Variants in MALRD1 observed in about 807,000 individuals in gnomAD.
MALRD1 encodes the protein MAM and LDL-receptor class A domain-containing protein 1.
MALRD1 carries 247 observed loss-of-function variants against 242.1 expected under a neutral mutation model. The observed-to-expected ratio is 1.02, with a 90% CI of 0.92 to 1.13. The LOEUF is 1.13. MALRD1 is among the 50% of genes most tolerant of loss of function. The pLI is 0.00. For missense variants in MALRD1, 2,989 were observed against 2,533.1 expected (o/e 1.18, Z -3.86); for synonymous variants, 995 against 866.6 (o/e 1.15, Z -2.60).
chr10:19,064,189 T>C (rs935072425), intron 1 of MALRD1, among the ~76,000 whole-genome samples: 1 of 152,142 alleles, frequency 6.6e-6, no homozygotes, highest in African/African-American at 2.4e-5. Context: ...GTTCAAAAAG[T>C]CCAGGAACTT....
chr10:19,545,255 A>G (rs947689667), intron 32 of MALRD1, among the ~76,000 whole-genome samples: 1 of 152,142 alleles, frequency 6.6e-6, no homozygotes, highest in Admixed American at 6.5e-5. Flanking sequence ...TTATAACTTA[A>G]TGAGGCCCTG....
At chr10:19,306,769 A>G (rs1481218463) in intron 21 of MALRD1, among the ~76,000 whole-genome samples, 1 of 151,004 alleles carries the variant, frequency 6.6e-6, no homozygotes, top group Non-Finnish European at 1.5e-5. Context: ...CAGAAGGGGA[A>G]GCAAACGTTT....
At chr10:19,260,331 C>T (rs7089719) in intron 19 of MALRD1, among the ~76,000 whole-genome samples, 12,890 of 152,130 alleles carry the variant, frequency 0.085, 734 homozygotes, top group African/African-American at 0.16. Context: ...TGTGTAATTT[C>T]ATGTAGCTCT....
chr10:19,661,108 T>C (rs1373626949), intron 36 of MALRD1, among the ~76,000 whole-genome samples: 3 of 152,146 alleles, frequency 2.0e-5, no homozygotes, highest in African/African-American at 4.8e-5. Context: ...CCAGTTAGAA[T>C]GGCAATCATT....
In MALRD1 at chr10:19,323,107, A is replaced by T. The variant is rs528529802; in HGVS notation, c.3420-842A>T. 3.9e-5 allele frequency among the ~76,000 whole-genome samples: 6 copies of T among 152,224 alleles called. No homozygotes were observed. The South Asian group carries it at 1.0e-3, about 26-fold the overall frequency. On this transcript the variant is annotated intron_variant, in intron 21 of 39. Transcript: ENST00000454679. ...TTAATTTAAGCCTAGGAAAGAAAGGATATTCTTTAAAATTATATACAAGGT... is the reference window on the plus strand; with the variant it reads ...TTAATTTAAGCCTAGGAAAGAAAGGTTATTCTTTAAAATTATATACAAGGT...
chr10:19,173,528 C>G (rs1272206583), intron 13 of MALRD1, among the ~76,000 whole-genome samples: 1 of 152,136 alleles, frequency 6.6e-6, no homozygotes, highest in East Asian at 1.9e-4. Flanking sequence ...TGTCTAGTTT[C>G]TCTCCAGTTG....
At chr10:19,268,300 T>C (rs573645103) in intron 19 of MALRD1, among the ~76,000 whole-genome samples, 6 of 152,182 alleles carry the variant, frequency 3.9e-5, no homozygotes, top group Admixed American at 3.3e-4. Context: ...ACAGTTGTTA[T>C]AATAATAGTA....
intron 18 of MALRD1, among the ~76,000 whole-genome samples, chr10:19,230,637 A>G (rs1451192493): frequency 2.0e-5 from 3 of 152,156 alleles, no homozygotes; most frequent in Admixed American, 2.0e-4. Flanking sequence ...ACAAACATCC[A>G]AACTATATCA....
At chr10:19,521,189 G>A (rs989246164) in intron 31 of MALRD1, among the ~76,000 whole-genome samples, 3 of 151,978 alleles carry the variant, frequency 2.0e-5, no homozygotes, top group Admixed American at 6.6e-5. Context: ...TCTAGACACC[G>A]TAATTTCTCT....
At chr10:19,716,301 A>T (rs1037557785) in intron 38 of MALRD1, among the ~76,000 whole-genome samples, 1 of 152,128 alleles carries the variant, frequency 6.6e-6, no homozygotes, top group Non-Finnish European at 1.5e-5. Context: ...TGATTGAATC[A>T]TGGGGGTGGA....
intron 38 of MALRD1, among the ~76,000 whole-genome samples, chr10:19,725,217 TC>T (rs747179457): frequency 6.6e-6 from 1 of 152,024 alleles, no homozygotes; most frequent in Non-Finnish European, 1.5e-5. Context: ...GTTTCCATAA[TC>T]CCCACAAGCC....
rs147082383 is a variant in MALRD1 at position 19,442,444 on chromosome 10, T to A, written c.4846-7863T>A. On this transcript the variant is annotated intron_variant, in intron 28 of 39. Coordinates refer to ENST00000454679, the MANE Select transcript of MALRD1 (RefSeq NM_001142308.3). ...AGTGTTTGCTCATTCAGTATGATAT[T>A]GGCTGTGGGTTTGTTATAAACAGCT... Among the ~76,000 whole-genome samples the A allele has an allele frequency of 2.1e-4, 32 of 152,336 alleles. No homozygotes were observed. The East Asian group carries it at 5.8e-3, about 28-fold the overall frequency.
At chr10:19,315,869 T>G (rs1842683814) in intron 21 of MALRD1, among the ~76,000 whole-genome samples, 1 of 147,704 alleles carries the variant, frequency 6.8e-6, no homozygotes, top group Admixed American at 6.9e-5. Flanking sequence ...TGTTTACTTA[T>G]AAATAGTTAT....
At chr10:19,547,203 A>G (rs928461150) in intron 32 of MALRD1, among the ~76,000 whole-genome samples, 5 of 152,176 alleles carry the variant, frequency 3.3e-5, no homozygotes, top group African/African-American at 1.2e-4. Flanking sequence ...GTCTCTTTCA[A>G]ATAATGTGGG....
intron 29 of MALRD1, among the ~76,000 whole-genome samples, chr10:19,464,263 C>G (rs1836108839): frequency 6.6e-6 from 1 of 152,206 alleles, no homozygotes; most frequent in Non-Finnish European, 1.5e-5. Context: ...CTTTTGGGTT[C>G]TTGGTCGTGA....
At chr10:19,306,219 CAT>C (rs1458069799) in intron 21 of MALRD1, among the ~76,000 whole-genome samples, 3 of 127,546 alleles carry the variant, frequency 2.4e-5, no homozygotes, top group African/African-American at 8.7e-5. Flanking sequence ...TATACACACA[CAT>C]ACTATATATA....
chr10:19,102,323 G>T (rs1264073097), intron 4 of MALRD1, among the ~76,000 whole-genome samples: 1 of 151,646 alleles, frequency 6.6e-6, no homozygotes, highest in African/African-American at 2.4e-5. Flanking sequence ...TTTGCAAAAT[G>T]GTTCTATTTT....
At chr10:19,172,148 TATACATATATACACATATATACAC>T (rs1835038716) in intron 13 of MALRD1, among the ~76,000 whole-genome samples, 1 of 146,500 alleles carries the variant, frequency 6.8e-6, no homozygotes. Context: ...CACATACATA[TATACATATATACACATATATACAC>T]ATACATATAT....
At chr10:19,576,106 A>G (rs1336392387) in intron 33 of MALRD1, among the ~76,000 whole-genome samples, 7 of 152,254 alleles carry the variant, frequency 4.6e-5, no homozygotes, top group Non-Finnish European at 1.0e-4. Context: ...AACCAAGGAC[A>G]TGAGCAGGAA....
Sources: allele counts gnomAD v4.1 joint callset (sites outside exome capture counted in the v4.1 genomes callset), GRCh38; gene constraint gnomAD v4.1.1; transcripts MANE v1.5; gene names NCBI Gene and HGNC (gene_info 2026-07-23, HGNC 2026-07-21).